Variants in ABCA13 observed in about 807,000 individuals in gnomAD.
ABCA13 encodes ATP-binding cassette sub-family A member 13.
Under a neutral mutation model 478.7 loss-of-function variants are expected in ABCA13, and 476 were observed. The observed-to-expected ratio is 0.99, with a 90% confidence interval of 0.92 to 1.07. The LOEUF (loss-of-function observed/expected upper bound fraction) is 1.07, where lower values mean the gene tolerates loss of function less well. Ranked by LOEUF, ABCA13 falls within the 50% of genes least tolerant of loss-of-function variation. ABCA13 has a pLI of 0.00. For synonymous variants in ABCA13, 2,252 were observed against 2,158.9 expected (o/e 1.04, Z -1.20); for missense variants, 6,060 against 5,910.6 (o/e 1.03, Z -0.83).
intron 19 of ABCA13, among the ~76,000 whole-genome samples, chr7:48,283,553 G>A (rs1393888937): frequency 6.6e-6 from 1 of 152,110 alleles, no homozygotes; most frequent in Non-Finnish European, 1.5e-5. Flanking sequence ...GGCATGATAG[G>A]CATTCAATCA....
At chr7:48,197,795 T>C (rs2128910486) in intron 2 of ABCA13, among the ~76,000 whole-genome samples, 1 of 152,306 alleles carries the variant, frequency 6.6e-6, no homozygotes, top group South Asian at 2.1e-4. Flanking sequence ...ATTTAAACAT[T>C]AAGAATTCAA....
intron 17 of ABCA13, 59 bp downstream of exon 17, chr7:48,276,624 A>C: frequency 7.1e-7 from 1 of 1,401,124 alleles, no homozygotes; most frequent in African/African-American, 1.4e-5. Context: ...AAACTACTTT[A>C]TTTTCTGGAG....
chr7:48,496,159 GT>G (rs1830258796), intron 48 of ABCA13, among the ~76,000 whole-genome samples: 1 of 151,690 alleles, frequency 6.6e-6, no homozygotes, highest in Admixed American at 6.6e-5. Flanking sequence ...TGTTTCCTCT[GT>G]TTCTCTTTTC....
intron 20 of ABCA13, among the ~76,000 whole-genome samples, chr7:48,291,936 A>G (rs1470502895): frequency 6.6e-6 from 1 of 152,170 alleles, no homozygotes. Flanking sequence ...TCCTTGACCG[A>G]CTGTCTCCAA....
intron 38 of ABCA13, among the ~76,000 whole-genome samples, chr7:48,394,624 T>C (rs1022765032): frequency 2.0e-5 from 3 of 152,254 alleles, no homozygotes; most frequent in African/African-American, 4.8e-5. Context: ...GGACGTAGTC[T>C]GTTTGGTTCA....
intron 55 of ABCA13, among the ~76,000 whole-genome samples, chr7:48,553,761 G>T (rs1609212): frequency 0.14 from 21,063 of 151,902 alleles, 1,831 homozygotes; most frequent in African/African-American, 0.23. Context: ...GCTTTGGGCT[G>T]TCTCTTCACT....
At chr7:48,624,532 C>CATTGTTGTT (rs1563521252) in intron 59 of ABCA13, among the ~76,000 whole-genome samples, 1 of 150,232 alleles carries the variant, frequency 6.7e-6, no homozygotes, top group Admixed American at 6.6e-5. Flanking sequence ...ATTTTGTTGT[C>CATTGTTGTT]GTTGTTGTTG....
At chr7:48,474,275 C>A (rs1335863980) in intron 45 of ABCA13, among the ~76,000 whole-genome samples, 2 of 151,954 alleles carry the variant, frequency 1.3e-5, no homozygotes, top group Admixed American at 6.6e-5. Flanking sequence ...AATTTCTATA[C>A]CCTTTTCATA....
intron 1 of ABCA13, among the ~76,000 whole-genome samples, chr7:48,190,318 A>G (rs147051196): frequency 0.093 from 14,088 of 152,192 alleles, 898 homozygotes; most frequent in East Asian, 0.21. Flanking sequence ...AACTGCATCT[A>G]CTTGATTTCA....
chr7:48,460,271 G>T (rs566516011), intron 43 of ABCA13, among the ~76,000 whole-genome samples: 9 of 152,280 alleles, frequency 5.9e-5, no homozygotes, highest in African/African-American at 1.9e-4. Flanking sequence ...CCACAAACTG[G>T]GTTACTTAAC....
chr7:48,300,488 C>A (rs1799999371), intron 23 of ABCA13, among the ~76,000 whole-genome samples: 1 of 152,178 alleles, frequency 6.6e-6, no homozygotes, highest in Non-Finnish European at 1.5e-5. Flanking sequence ...TAGAACACAA[C>A]AATGAGGACA....
intron 3 of ABCA13, among the ~76,000 whole-genome samples, chr7:48,206,034 AC>A (rs1321580377): frequency 6.6e-6 from 1 of 151,794 alleles, no homozygotes; most frequent in African/African-American, 2.4e-5. Flanking sequence ...ACCTCCACTC[AC>A]CCCACATCTT....
At chr7:48,512,848 T>G (rs986737072) in intron 51 of ABCA13, among the ~76,000 whole-genome samples, 1 of 152,196 alleles carries the variant, frequency 6.6e-6, no homozygotes, top group Non-Finnish European at 1.5e-5. Context: ...GTTACACGCT[T>G]CTGGTTAAGA....
intron 42 of ABCA13, 31 bp downstream of exon 42, chr7:48,427,902 C>T (rs1359375015): frequency 8.4e-6 from 12 of 1,428,020 alleles, no homozygotes; most frequent in Non-Finnish European, 1.2e-5. Context: ...TGCATTTCTG[C>T]TGGAGGAACA....
chr7:48,463,381 C>T (rs1826483162), intron 43 of ABCA13, among the ~76,000 whole-genome samples: 1 of 152,112 alleles, frequency 6.6e-6, no homozygotes, highest in South Asian at 2.1e-4. Flanking sequence ...ACCTTTGCTT[C>T]CTATACTCTC....
chr7:48,598,797 T>C (rs960418901), intron 58 of ABCA13, among the ~76,000 whole-genome samples: 1 of 152,064 alleles, frequency 6.6e-6, no homozygotes, highest in Non-Finnish European at 1.5e-5. Flanking sequence ...ATCTTTTTTT[T>C]CTAAAAATTT....
intron 45 of ABCA13, among the ~76,000 whole-genome samples, chr7:48,478,206 A>ATATATATACATATATCAT (rs982930666): frequency 6.8e-6 from 1 of 148,016 alleles, no homozygotes; most frequent in Non-Finnish European, 1.5e-5. Flanking sequence ...AAATGATATG[A>ATATATATACATATATCAT]TATATATACA....
chr7:48,639,321 A>G (rs1794929510), intron 59 of ABCA13, among the ~76,000 whole-genome samples: 1 of 152,204 alleles, frequency 6.6e-6, no homozygotes, highest in African/African-American at 2.4e-5. Flanking sequence ...AAGGAAACCT[A>G]TTACAATTCA....
Position 48,279,408 on chromosome 7 carries a change from G to A in ABCA13, c.8214G>A (p.Val2738=). ...STEIGSFLKM[V]ICLTLEALWK... ...AAATAGGATCTTTCTTGAAAATGGT[G>A]ATCTGTCTCACCTTAGAAGCTCTTT... Residue 2738 remains valine, a synonymous_variant, in exon 18 of 62, where the codon GTG becomes GTA. Coordinates refer to ENST00000435803, the MANE Select transcript of ABCA13 (RefSeq NM_152701.5). 1.9e-6 allele frequency: 3 copies of A among 1,601,570 alleles called. No individual in the cohort carries two copies. Among genetic ancestry groups the A allele is most frequent in the Middle Eastern group, 1.7e-4 (1 of 6,040 alleles).
Sources: gnomAD v4.1 joint callset for allele counts (sites outside exome capture counted in the v4.1 genomes callset) on GRCh38, gnomAD v4.1.1 for gene constraint, MANE v1.5 for transcripts, NCBI Gene and HGNC (gene_info 2026-07-23, HGNC 2026-07-21) for gene names.